Variants in ECHDC1 observed in about 807,000 individuals in gnomAD.
ECHDC1 encodes ethylmalonyl-CoA decarboxylase 1.
Under a neutral mutation model 29.7 loss-of-function variants are expected in ECHDC1, and 29 were observed. That is an observed-to-expected ratio of 0.98 (90% CI 0.73 to 1.33). The LOEUF (loss-of-function observed/expected upper bound fraction) is 1.33, where lower values mean the gene tolerates loss of function less well. ECHDC1 is among the 40% of genes most tolerant of loss of function. The probability of loss-of-function intolerance (pLI) is 0.00; values close to 1 mark genes in which losing one functional copy is unlikely to be tolerated. For synonymous variants in ECHDC1, 126 were observed against 123.1 expected (o/e 1.02, Z -0.15); for missense variants, 328 against 350.0 (o/e 0.94, Z 0.50).
intron 4 of ECHDC1, chr6:127,316,232 C>A: frequency 2.1e-6 from 1 of 484,150 alleles, no homozygotes; most frequent in Non-Finnish European, 3.8e-6. Context: ...TTAAATTTTT[C>A]TTATCTTTCA....
rs750967132 is a variant in ECHDC1 at position 127,289,990 on chromosome 6, C to G, written c.785G>C (p.Cys262Ser). ...CTCCAAATATAGCTCTCTGCCTGAA[C>G]AAACAGATTTTTTCAAAGCTCTAAT... ...EVIRALKKSV[C>S]SGRELYLEEA... Residue 262 changes from cysteine (C) to serine (S), a missense_variant, in exon 6 of 6, where the codon TGT (cysteine) becomes TCT (serine). Cys to Ser is a moderately radical substitution (Grantham distance 112). Coordinates refer to ENST00000454859, the MANE Select transcript of ECHDC1 (RefSeq NM_001002030.2). 1.1e-5 allele frequency: 17 copies of G among 1,613,544 alleles called. No individual in the cohort carries two copies. The Admixed American group carries it at 2.8e-4, about 27-fold the overall frequency.
chr6:127,314,768 G>A (rs780925208), intron 5 of ECHDC1, 48 bp downstream of exon 5: 1 of 1,439,544 alleles, frequency 6.9e-7, no homozygotes, highest in East Asian at 2.3e-5. Flanking sequence ...ATGAATTTGA[G>A]CAAGTTAATT....
chr6:127,328,588 G>A (rs1237926308), intron 2 of ECHDC1, among the ~76,000 whole-genome samples: 1 of 152,160 alleles, frequency 6.6e-6, no homozygotes, highest in African/African-American at 2.4e-5. Context: ...CCTTTCCAAG[G>A]ATGTCCTAGA....
intron 5 of ECHDC1, among the ~76,000 whole-genome samples, chr6:127,312,759 A>G (rs1320123832): frequency 2.0e-5 from 3 of 152,174 alleles, no homozygotes; most frequent in African/African-American, 7.2e-5. Context: ...AGATGAACAA[A>G]CCACTGGAAA....
chr6:127,327,547 T>G (rs1783468696), intron 2 of ECHDC1, among the ~76,000 whole-genome samples: 1 of 152,192 alleles, frequency 6.6e-6, no homozygotes, highest in South Asian at 2.1e-4. Flanking sequence ...GCTTTATGGG[T>G]ATAACATGAC....
Position 127,292,628 on chromosome 6 carries a change from T to C in ECHDC1, c.498-2351A>G, listed in dbSNP as rs955994641. 5.9e-5 allele frequency among the ~76,000 whole-genome samples: 9 copies of C among 151,978 alleles called. 1 individual carries two copies. The highest frequency in any genetic ancestry group is 5.9e-4 in the Admixed American group (9 of 15,230). On this transcript the variant is annotated intron_variant, in intron 5 of 5. Transcript: ENST00000454859. ...AGATGGTAACCTTTACAGGACTCTTTTAACCTAAAAATGAAAGTTTAAATA... is the reference window on the plus strand; with the variant it reads ...AGATGGTAACCTTTACAGGACTCTTCTAACCTAAAAATGAAAGTTTAAATA...
intron 3 of ECHDC1, among the ~76,000 whole-genome samples, chr6:127,326,253 A>G (rs750016727): frequency 3.3e-5 from 5 of 152,120 alleles, no homozygotes; most frequent in Non-Finnish European, 7.3e-5. Flanking sequence ...GTTGTTTGAA[A>G]GTGTGTGGTA....
At chr6:127,340,874 A>G (rs753026415) in intron 1 of ECHDC1, among the ~76,000 whole-genome samples, 1 of 152,176 alleles carries the variant, frequency 6.6e-6, no homozygotes, top group Non-Finnish European at 1.5e-5. Flanking sequence ...AGTAAACAAC[A>G]TATCTTCTGC....
intron 5 of ECHDC1, among the ~76,000 whole-genome samples, chr6:127,303,793 A>G (rs1781237236): frequency 6.6e-6 from 1 of 152,216 alleles, no homozygotes; most frequent in Non-Finnish European, 1.5e-5. Context: ...GACAGTGGCC[A>G]TGGGGCGACA....
intron 5 of ECHDC1, among the ~76,000 whole-genome samples, chr6:127,292,286 T>G (rs1780258700): frequency 6.6e-6 from 1 of 152,094 alleles, no homozygotes; most frequent in Admixed American, 6.6e-5. Context: ...TTATTACCTA[T>G]GTAAGCACAT....
rs1160687759 is a variant in ECHDC1 at position 127,327,044 on chromosome 6, T to C, written c.321A>G (p.Ser107=). Residue 107 remains serine (S), a synonymous_variant, in exon 3 of 6, where the codon TCA becomes TCG. Transcript: ENST00000454859. ...IVRGAKNTFS[S]GSDLNAVKSL... ...ATTTCACAGCATTCAGATCAGATCC[T>C]GAAGAGAAAGTATTTTTTGCCCCAC... 6.2e-7 allele frequency: 1 copy of C among 1,613,972 alleles called. No homozygotes were observed. Among genetic ancestry groups the C allele is most frequent in the Non-Finnish European group, 8.5e-7 (1 of 1,179,998 alleles).
At chr6:127,329,103 A>G (rs1393414168) in intron 2 of ECHDC1, among the ~76,000 whole-genome samples, 1 of 152,014 alleles carries the variant, frequency 6.6e-6, no homozygotes, top group Non-Finnish European at 1.5e-5. Flanking sequence ...AACCTTTCCT[A>G]TGGTGCTGAT....
intron 1 of ECHDC1, among the ~76,000 whole-genome samples, chr6:127,335,800 T>C (rs1784379534): frequency 6.6e-6 from 1 of 152,112 alleles, no homozygotes; most frequent in African/African-American, 2.4e-5. Context: ...GCAAAATATC[T>C]AAATATTTAG....
chr6:127,289,858 C>G lies in ECHDC1; in HGVS notation c.*11G>C. 1.9e-6 allele frequency: 3 copies of G among 1,598,518 alleles called. No individual in the cohort carries two copies. Among genetic ancestry groups the G allele is most frequent in the Non-Finnish European group, 2.6e-6 (3 of 1,172,894 alleles). On this transcript the variant is annotated 3_prime_UTR_variant, in exon 6 of 6. Coordinates refer to ENST00000454859, the MANE Select transcript of ECHDC1 (RefSeq NM_001002030.2). ...GAGCTTTACTTGGAGTACATCCACA[C>G]GAAAAACCAATTATTTATTAAATTT... is the stretch of plus-strand genomic sequence containing the variant.
chr6:127,296,696 T>C (rs1378209620), intron 5 of ECHDC1, among the ~76,000 whole-genome samples: 1 of 152,120 alleles, frequency 6.6e-6, no homozygotes, highest in African/African-American at 2.4e-5. Context: ...TTAAGACATA[T>C]GAAACTATAA....
At chr6:127,311,912 C>T (rs1306093378) in intron 5 of ECHDC1, among the ~76,000 whole-genome samples, 1 of 151,636 alleles carries the variant, frequency 6.6e-6, no homozygotes, top group East Asian at 1.9e-4. Context: ...CTATAGGATA[C>T]TAACATTTGG....
rs559847113 is a variant in ECHDC1, at chr6:127,337,837, C to T, written c.-3+5499G>A. ...ACCTCCCCTTTCACTACCCTTAGAC[C>T]GAAGTTCAGTGGTCAAAGTCTATGA... On this transcript the variant is annotated intron_variant, in intron 1 of 5. Transcript: ENST00000454859. 6.6e-5 allele frequency among the ~76,000 whole-genome samples: 10 copies of T among 152,196 alleles called. No individual in the cohort carries two copies. The East Asian group carries it at 1.2e-3, about 18-fold the overall frequency.
intron 1 of ECHDC1, chr6:127,332,009 C>T (rs1784001179): frequency 3.3e-6 from 1 of 307,390 alleles, no homozygotes; most frequent in Non-Finnish European, 4.7e-6. Flanking sequence ...TGTAAACATC[C>T]TTGTTGATAT....
intron 5 of ECHDC1, chr6:127,294,809 A>T (rs1582926779): frequency 6.6e-6 from 1 of 151,794 alleles, no homozygotes; most frequent in East Asian, 1.9e-4. Flanking sequence ...CCTGAGGTGG[A>T]CATCTCCTAT....
Sources: gnomAD v4.1 joint callset for allele counts (sites outside exome capture counted in the v4.1 genomes callset) on GRCh38, gnomAD v4.1.1 for gene constraint, MANE v1.5 for transcripts, NCBI Gene and HGNC (gene_info 2026-07-23, HGNC 2026-07-21) for gene names.